Variants in PPP6R3 observed in about 807,000 individuals in gnomAD.
PPP6R3 encodes the protein protein phosphatase 6 regulatory subunit 3, also known as serine/threonine-protein phosphatase 6 regulatory subunit 3.
A neutral mutation model predicts 110.7 loss-of-function variants in PPP6R3; 38 were observed. That is an observed-to-expected ratio of 0.34 (90% confidence interval 0.26 to 0.45). PPP6R3 has a LOEUF of 0.45. PPP6R3 is among the 20% of genes least tolerant of loss of function. PPP6R3 has a pLI of 1.00. For synonymous variants in PPP6R3, 369 were observed against 373.5 expected, an observed-to-expected ratio of 0.99 and a Z score of 0.14; for missense variants, 870 against 1,062.4, an observed-to-expected ratio of 0.82 and a Z score of 2.52.
chr11:68,583,789 G>T (rs773587004), intron 15 of PPP6R3, among the ~76,000 whole-genome samples: 1 of 152,182 alleles, frequency 6.6e-6, no homozygotes, highest in Non-Finnish European at 1.5e-5. Context: ...CCTTTTGCAG[G>T]CTATCAGCTT....
chr11:68,511,463 A>AGAGTGTGTGTGTGTGTGTGTGTGTGT (rs1555082964), intron 1 of PPP6R3, among the ~76,000 whole-genome samples: 13 of 138,512 alleles, frequency 9.4e-5, no homozygotes, highest in Non-Finnish European at 1.6e-4. Context: ...ACTGTGTTAG[A>AGAGTGTGTGTGTGTGTGTGTGTGTGT]GTGTGTGTGT....
chr11:68,549,540 G>A (rs1339279522), intron 5 of PPP6R3, among the ~76,000 whole-genome samples: 3 of 152,156 alleles, frequency 2.0e-5, no homozygotes. Flanking sequence ...TGTTGGCAGG[G>A]ACCTTAAATT....
chr11:68,615,029 C>A lies in PPP6R3; in HGVS notation c.*1912C>A. The A allele has an allele frequency of 2.0e-6, 1 of 506,460 alleles. No individual in the cohort carries two copies. The highest frequency in any genetic ancestry group is 3.9e-6 in the Non-Finnish European group (1 of 259,700). The allele number at this position is 506,460 out of a possible 1,614,324, so 31.4% of individuals were successfully genotyped here. ...GGTATGGACCTGGTGGCTTCTCCAT[C>A]CTACCCAAGGTAACAGTGTCTTGCT... On this transcript the variant is annotated 3_prime_UTR_variant, in exon 24 of 24. Coordinates refer to ENST00000393800, the MANE Select transcript of PPP6R3 (RefSeq NM_001164161.2).
intron 2 of PPP6R3, among the ~76,000 whole-genome samples, chr11:68,525,584 T>C (rs576780967): frequency 6.6e-6 from 1 of 152,316 alleles, no homozygotes; most frequent in South Asian, 2.1e-4. Context: ...TTCAGGGTTA[T>C]ATACAGTCTG....
At chr11:68,512,683 TAAG>T (rs2099116588) in intron 1 of PPP6R3, among the ~76,000 whole-genome samples, 1 of 152,170 alleles carries the variant, frequency 6.6e-6, no homozygotes, top group African/African-American at 2.4e-5. Flanking sequence ...ACACCTTAAC[TAAG>T]GAGTACCTAG....
intron 7 of PPP6R3, 71 bp downstream of exon 7, chr11:68,554,328 T>G (rs917789298): frequency 8.4e-7 from 1 of 1,194,300 alleles, no homozygotes; most frequent in African/African-American, 1.5e-5. Flanking sequence ...TTGTGAGTGA[T>G]TGGTAAGTGT....
intron 2 of PPP6R3, among the ~76,000 whole-genome samples, chr11:68,526,605 A>C (rs2153599728): frequency 6.6e-6 from 1 of 152,208 alleles, no homozygotes; most frequent in South Asian, 2.1e-4. Flanking sequence ...TCCAGCATGC[A>C]CACGTGCATC....
intron 16 of PPP6R3, among the ~76,000 whole-genome samples, chr11:68,589,086 G>A (rs1269297736): frequency 6.6e-6 from 1 of 152,020 alleles, no homozygotes; most frequent in African/African-American, 2.4e-5. Flanking sequence ...GTGTGTGCCT[G>A]TAGTCCGAAC....
chr11:68,529,100 T>C (rs2099220158), intron 2 of PPP6R3, among the ~76,000 whole-genome samples: 1 of 152,232 alleles, frequency 6.6e-6, no homozygotes, highest in Non-Finnish European at 1.5e-5. Flanking sequence ...ATTAATCAAG[T>C]ATCTTTGTTT....
intron 14 of PPP6R3, among the ~76,000 whole-genome samples, chr11:68,581,850 T>C (rs939070781): frequency 6.6e-6 from 1 of 152,242 alleles, no homozygotes; most frequent in African/African-American, 2.4e-5. Context: ...GCTTTATCTA[T>C]ACCTTTGAGA....
intron 1 of PPP6R3, among the ~76,000 whole-genome samples, chr11:68,478,649 T>TTTTTTTTTTTTTTTC (rs2098862905): frequency 9.8e-6 from 1 of 102,014 alleles, no homozygotes; most frequent in Non-Finnish European, 1.9e-5. Flanking sequence ...CTTGGTAAGT[T>TTTTTTTTTTTTTTTC]TTTTTTTTTT....
chr11:68,484,650 C>T (rs2098935263), intron 1 of PPP6R3, among the ~76,000 whole-genome samples: 1 of 151,804 alleles, frequency 6.6e-6, no homozygotes, highest in Admixed American at 6.6e-5. Flanking sequence ...TGTAATGGCA[C>T]AGTCTTGGCT....
chr11:68,501,409 C>T (rs2153480801), intron 1 of PPP6R3, among the ~76,000 whole-genome samples: 1 of 152,334 alleles, frequency 6.6e-6, no homozygotes, highest in Non-Finnish European at 1.5e-5. Flanking sequence ...CCAGTGCAAC[C>T]TCTGCTTCCC....
intron 6 of PPP6R3, 44 bp downstream of exon 6, chr11:68,551,230 A>G (rs200517064): frequency 4.8e-6 from 7 of 1,457,248 alleles, no homozygotes; most frequent in Non-Finnish European, 6.7e-6. Context: ...GAAAAAAAAA[A>G]CAAAAAACTG....
chr11:68,582,574 A>T (rs2099562313), intron 14 of PPP6R3, among the ~76,000 whole-genome samples: 2 of 152,258 alleles, frequency 1.3e-5, no homozygotes, highest in South Asian at 4.1e-4. Flanking sequence ...CAGGAAGTCC[A>T]AGAATTTGAA....
intron 11 of PPP6R3, among the ~76,000 whole-genome samples, chr11:68,570,567 T>A (rs902503735): frequency 1.1e-4 from 16 of 152,354 alleles, no homozygotes; most frequent in African/African-American, 3.8e-4. Flanking sequence ...TTGCAGACTT[T>A]GGGCAAAACC....
At chr11:68,482,275 G>A (rs192706778) in intron 1 of PPP6R3, among the ~76,000 whole-genome samples, 12 of 150,438 alleles carry the variant, frequency 8.0e-5, no homozygotes, top group Admixed American at 6.0e-4. Context: ...TTAGCTGAAC[G>A]TGGTGGCGGG....
At chr11:68,496,142 A>AC (rs1265890748) in intron 1 of PPP6R3, among the ~76,000 whole-genome samples, 2 of 150,256 alleles carry the variant, frequency 1.3e-5, no homozygotes, top group Non-Finnish European at 3.0e-5. Flanking sequence ...GGCATATGCC[A>AC]CCATCTCTGG....
chr11:68,614,713 C>G lies in PPP6R3; in HGVS notation c.*1596C>G, dbSNP rs541313410. 5.9e-6 allele frequency: 9 copies of G among 1,532,318 alleles called. No individual in the cohort carries two copies. The highest frequency in any genetic ancestry group is 1.7e-4 in the Middle Eastern group (1 of 5,850). 94.9% of individuals were successfully genotyped at this position (1,532,318 alleles called of 1,614,324 possible). ...AGGTGGCAAGGGTGGGTCCCTTGAC[C>G]TTTGCACGCCTCCTCAGGAACCCCC... is the stretch of plus-strand genomic sequence containing the variant. On this transcript the variant is annotated 3_prime_UTR_variant, in exon 24 of 24. Coordinates refer to ENST00000393800, the MANE Select transcript of PPP6R3 (RefSeq NM_001164161.2).
Sources: gnomAD v4.1 joint callset for allele counts (sites outside exome capture counted in the v4.1 genomes callset) on GRCh38, gnomAD v4.1.1 for gene constraint, MANE v1.5 for transcripts, NCBI Gene and HGNC (gene_info 2026-07-23, HGNC 2026-07-21) for gene names.